Variants in NR2F1-AS1 observed in about 807,000 individuals in gnomAD.
The protein encoded by NR2F1-AS1 is NR2F1 regulatory antisense RNA 1.
At chr5:93,501,092 A>G (rs1751069207) in intron 4 of NR2F1-AS1, among the ~76,000 whole-genome samples, 1 of 152,178 alleles carries the variant, frequency 6.6e-6, no homozygotes, top group Non-Finnish European at 1.5e-5. Flanking sequence ...CATGAGCAGG[A>G]GTTTGGAAGA....
At chr5:93,459,507 A>G (rs1278132356) in intron 4 of NR2F1-AS1, among the ~76,000 whole-genome samples, 2 of 152,196 alleles carry the variant, frequency 1.3e-5, no homozygotes, top group Admixed American at 6.5e-5. Context: ...TTAATAAAAT[A>G]GTTTGTTTAT....
At chr5:93,463,978 A>G (rs1204058836) in intron 4 of NR2F1-AS1, among the ~76,000 whole-genome samples, 1 of 152,196 alleles carries the variant, frequency 6.6e-6, no homozygotes, top group Non-Finnish European at 1.5e-5. Context: ...AAATGAGTTA[A>G]GACTTTGGGA....
chr5:93,470,946 TA>T (rs1750352703), intron 4 of NR2F1-AS1, among the ~76,000 whole-genome samples: 1 of 151,874 alleles, frequency 6.6e-6, no homozygotes, highest in South Asian at 2.1e-4. Flanking sequence ...AGAGAACTTA[TA>T]ACACATACAA....
chr5:93,435,593 C>G (rs1435689266), intron 4 of NR2F1-AS1, among the ~76,000 whole-genome samples: 1 of 152,320 alleles, frequency 6.6e-6, no homozygotes, highest in East Asian at 1.9e-4. Context: ...CTGCAAACTA[C>G]TGGGTATGCT....
chr5:93,556,036 C>G (rs1040966418), intron 2 of NR2F1-AS1, among the ~76,000 whole-genome samples: 2 of 152,130 alleles, frequency 1.3e-5, no homozygotes, highest in African/African-American at 2.4e-5. Context: ...GACAATATAA[C>G]TGAGCCCAAA....
chr5:93,564,484 T>C (rs1752571949), intron 1 of NR2F1-AS1, among the ~76,000 whole-genome samples: 1 of 152,214 alleles, frequency 6.6e-6, no homozygotes, highest in Non-Finnish European at 1.5e-5. Context: ...AGTACATGCA[T>C]GTAATTCTAA....
upstream of NR2F1-AS1, chr5:93,583,424 T>C (rs1753163485): frequency 1.3e-5 from 2 of 151,722 alleles, no homozygotes; most frequent in Admixed American, 1.3e-4. Flanking sequence ...TTACATATTC[T>C]ACTAGTTGTT....
chr5:93,532,822 T>TA (rs750825183), intron 4 of NR2F1-AS1, among the ~76,000 whole-genome samples: 13 of 152,266 alleles, frequency 8.5e-5, no homozygotes, highest in Non-Finnish European at 1.8e-4. Context: ...ATTACTTTTA[T>TA]GTGTTCATGT....
chr5:93,575,526 T>C (rs990924233), intron 1 of NR2F1-AS1, among the ~76,000 whole-genome samples: 6 of 152,208 alleles, frequency 3.9e-5, no homozygotes, highest in African/African-American at 1.4e-4. Context: ...TTTTAACCAA[T>C]TTAACTCCAA....
At chr5:93,539,332 T>C (rs985753286) in intron 4 of NR2F1-AS1, among the ~76,000 whole-genome samples, 3 of 152,036 alleles carry the variant, frequency 2.0e-5, no homozygotes, top group African/African-American at 7.3e-5. Flanking sequence ...TACTTAACAA[T>C]AGCCAAGATA....
chr5:93,456,358 T>A (rs907128376), intron 4 of NR2F1-AS1, among the ~76,000 whole-genome samples: 3 of 152,100 alleles, frequency 2.0e-5, no homozygotes, highest in African/African-American at 7.2e-5. Flanking sequence ...ACCAAAAAAC[T>A]GGAAATAATT....
At chr5:93,446,841 G>T (rs1749721859) in intron 4 of NR2F1-AS1, among the ~76,000 whole-genome samples, 1 of 152,192 alleles carries the variant, frequency 6.6e-6, no homozygotes, top group East Asian at 1.9e-4. Context: ...CATGGTACTG[G>T]TACCAAAACA....
At chr5:93,422,868 G>A (rs1178737532) in intron 4 of NR2F1-AS1, among the ~76,000 whole-genome samples, 1 of 152,094 alleles carries the variant, frequency 6.6e-6, no homozygotes, top group Non-Finnish European at 1.5e-5. Context: ...AGAGGCTGTG[G>A]ACAGCACCTG....
At chr5:93,433,128 TC>T (rs1383761567) in intron 4 of NR2F1-AS1, among the ~76,000 whole-genome samples, 2 of 152,238 alleles carry the variant, frequency 1.3e-5, no homozygotes, top group African/African-American at 4.8e-5. Flanking sequence ...CAAAGTTCTC[TC>T]GTATCTTATA....
chr5:93,545,973 T>C (rs768259395), intron 4 of NR2F1-AS1, among the ~76,000 whole-genome samples: 10 of 152,174 alleles, frequency 6.6e-5, no homozygotes, highest in Non-Finnish European at 1.5e-4. Context: ...AAGTTTTATA[T>C]AGAGACAACC....
At chr5:93,427,426 C>A (rs1429847713) in intron 4 of NR2F1-AS1, among the ~76,000 whole-genome samples, 1 of 152,190 alleles carries the variant, frequency 6.6e-6, no homozygotes, top group Non-Finnish European at 1.5e-5. Flanking sequence ...CCCTGAAACA[C>A]TTCTGCACTT....
At position 93,526,738 on chromosome 5, in the gene NR2F1-AS1, A is replaced by G. The variant is rs138469172; in HGVS notation, n.638+27023T>C. Among the ~76,000 whole-genome samples, 354 of 152,336 alleles carry G rather than the reference A, an allele frequency of 2.3e-3. 9 individuals are homozygous for G. In the East Asian group the frequency reaches 0.048, roughly 20 times the overall value. ...ATACATCACATAAACAGATCTGATG[A>G]CAAAAACCACATGATTATCTCAACA... On this transcript the variant is annotated intron_variant and non_coding_transcript_variant, in intron 4 of 5. Coordinates refer to ENST00000660523, the Ensembl canonical transcript of NR2F1-AS1.
chr5:93,539,141 G>A (rs1006564306), intron 4 of NR2F1-AS1, among the ~76,000 whole-genome samples: 4 of 152,126 alleles, frequency 2.6e-5, no homozygotes, highest in Admixed American at 1.3e-4. Context: ...AGGCAGAAGT[G>A]GTGGTGTGAG....
At chr5:93,480,168 A>T (rs997047196) in intron 4 of NR2F1-AS1, among the ~76,000 whole-genome samples, 6 of 152,152 alleles carry the variant, frequency 3.9e-5, no homozygotes, top group African/African-American at 9.6e-5. Context: ...CAGGAATCTC[A>T]ACAAACTCCA....
Sources: gnomAD v4.1 joint callset for allele counts (sites outside exome capture counted in the v4.1 genomes callset) on GRCh38, gnomAD v4.1.1 for gene constraint, MANE v1.5 for transcripts, NCBI Gene and HGNC (gene_info 2026-07-23, HGNC 2026-07-21) for gene names.